The following PRTFDC1 variants were observed in gnomAD, a reference collection of about 807,000 sequenced individuals.
PRTFDC1 encodes phosphoribosyl transferase domain containing 1, also known as phosphoribosyltransferase domain-containing protein 1.
A neutral mutation model predicts 34.6 loss-of-function variants in PRTFDC1; 38 were observed. That is an observed-to-expected ratio of 1.10 (90% CI 0.85 to 1.44). PRTFDC1 has a LOEUF of 1.44. Among genes scored for constraint, PRTFDC1 ranks in the 40% most tolerant of loss-of-function variants. The pLI is 0.00. For missense variants in PRTFDC1, 270 were observed against 283.0 expected (o/e 0.95, Z 0.33); for synonymous variants, 93 against 98.1 (o/e 0.95, Z 0.31).
At chr10:24,950,990 C>T (rs928028079) in intron 1 of PRTFDC1, among the ~76,000 whole-genome samples, 5 of 152,302 alleles carry the variant, frequency 3.3e-5, no homozygotes, top group African/African-American at 1.2e-4. Context: ...TTAATGATTG[C>T]CCTTTTTGCG....
chr10:24,900,224 C>T (rs1298007160), intron 3 of PRTFDC1, among the ~76,000 whole-genome samples: 2 of 152,204 alleles, frequency 1.3e-5, no homozygotes, highest in Admixed American at 1.3e-4. Flanking sequence ...AGAATTTCCT[C>T]CCAAATGTAA....
intron 3 of PRTFDC1, among the ~76,000 whole-genome samples, chr10:24,874,530 T>G (rs1381159523): frequency 6.6e-6 from 1 of 152,204 alleles, no homozygotes; most frequent in Non-Finnish European, 1.5e-5. Context: ...CTACAAAGTT[T>G]AATGTAACCA....
chr10:24,929,052 A>AAGAAAG (rs1554765610), intron 3 of PRTFDC1, among the ~76,000 whole-genome samples: 7 of 116,538 alleles, frequency 6.0e-5, no homozygotes, highest in Non-Finnish European at 1.2e-4. Flanking sequence ...AAAAAAAAAA[A>AAGAAAG]AAAGAAAGAA....
chr10:24,892,587 C>T (rs143081536), intron 3 of PRTFDC1, among the ~76,000 whole-genome samples: 1 of 152,192 alleles, frequency 6.6e-6, no homozygotes, highest in Non-Finnish European at 1.5e-5. Flanking sequence ...TTTCCTGATT[C>T]TTACGGGAAA....
chr10:24,864,518 C>A (rs960454633), intron 4 of PRTFDC1, among the ~76,000 whole-genome samples: 7 of 152,150 alleles, frequency 4.6e-5, no homozygotes, highest in Non-Finnish European at 1.0e-4. Flanking sequence ...CAAGACCCTC[C>A]ACCAGCAAAA....
intron 4 of PRTFDC1, among the ~76,000 whole-genome samples, chr10:24,870,909 T>TAAAAATAC (rs1847857935): frequency 6.6e-6 from 1 of 151,724 alleles, no homozygotes; most frequent in Admixed American, 6.6e-5. Context: ...CCGTCTCTAC[T>TAAAAATAC]AAAAATACAA....
chr10:24,852,326 T>C (rs1341329954), intron 7 of PRTFDC1, among the ~76,000 whole-genome samples: 2 of 152,076 alleles, frequency 1.3e-5, no homozygotes, highest in Non-Finnish European at 2.9e-5. Flanking sequence ...CTAATTTTTG[T>C]AGTTTTAGTA....
intron 7 of PRTFDC1, among the ~76,000 whole-genome samples, chr10:24,852,530 A>G (rs1847508161): frequency 6.6e-6 from 1 of 152,222 alleles, no homozygotes; most frequent in Non-Finnish European, 1.5e-5. Context: ...CCACAGGCTC[A>G]GGAGATCCTC....
At chr10:24,939,161 C>G (rs1035880502) in intron 2 of PRTFDC1, among the ~76,000 whole-genome samples, 1 of 151,744 alleles carries the variant, frequency 6.6e-6, no homozygotes, top group South Asian at 2.1e-4. Context: ...ATTAGCCGGG[C>G]TTGGTGGTCT....
At chr10:24,871,517 A>G (rs1847866478) in intron 4 of PRTFDC1, among the ~76,000 whole-genome samples, 1 of 152,182 alleles carries the variant, frequency 6.6e-6, no homozygotes, top group African/African-American at 2.4e-5. Context: ...ATTGTTTTTA[A>G]TAGAAAAAAA....
chr10:24,948,099 C>A (rs779613164), intron 1 of PRTFDC1, among the ~76,000 whole-genome samples: 1 of 152,164 alleles, frequency 6.6e-6, no homozygotes, highest in African/African-American at 2.4e-5. Flanking sequence ...GATTACTTAT[C>A]TCTGATATTA....
At chr10:24,895,688 GATATATATAT>G (rs762084915) in intron 3 of PRTFDC1, among the ~76,000 whole-genome samples, 1,580 of 47,414 alleles carry the variant, frequency 0.033, 59 homozygotes, top group African/African-American at 0.1. Flanking sequence ...AGCTGGGGTG[GATATATATAT>G]ATATATATAT....
chr10:24,919,552 C>G (rs1848748284), intron 3 of PRTFDC1, among the ~76,000 whole-genome samples: 1 of 152,156 alleles, frequency 6.6e-6, no homozygotes, highest in African/African-American at 2.4e-5. Context: ...CTAGGCAATA[C>G]CAGTCAGGAC....
chr10:24,864,083 CTG>C (rs1331197271), intron 4 of PRTFDC1, among the ~76,000 whole-genome samples: 1 of 148,944 alleles, frequency 6.7e-6, no homozygotes, highest in Non-Finnish European at 1.5e-5. Context: ...GCAAGAGAAA[CTG>C]AATTAGAAGT....
intron 4 of PRTFDC1, among the ~76,000 whole-genome samples, chr10:24,865,498 C>G (rs1847758655): frequency 6.6e-6 from 1 of 152,120 alleles, no homozygotes; most frequent in Non-Finnish European, 1.5e-5. Flanking sequence ...AGCTCATTTC[C>G]TCCCAGAAAG....
intron 3 of PRTFDC1, among the ~76,000 whole-genome samples, chr10:24,902,272 C>T (rs1848462781): frequency 6.6e-6 from 1 of 151,978 alleles, no homozygotes. Context: ...AGGCATTAAT[C>T]TCTGCCTGGT....
At chr10:24,888,512 G>T (rs1848207905) in intron 3 of PRTFDC1, among the ~76,000 whole-genome samples, 1 of 152,212 alleles carries the variant, frequency 6.6e-6, no homozygotes, top group South Asian at 2.1e-4. Context: ...ACATGGGAGT[G>T]AATTAAGGAC....
intron 8 of PRTFDC1, among the ~76,000 whole-genome samples, chr10:24,850,546 C>A (rs1020625942): frequency 6.6e-6 from 1 of 152,064 alleles, no homozygotes; most frequent in Non-Finnish European, 1.5e-5. Context: ...GCGGGAGGAT[C>A]GCTTGAGCCT....
chr10:24,897,449 G>T (rs779234581), intron 3 of PRTFDC1, among the ~76,000 whole-genome samples: 1 of 152,174 alleles, frequency 6.6e-6, no homozygotes, highest in Non-Finnish European at 1.5e-5. Context: ...AATTAAGAAG[G>T]TTGTGGTATT....
Sources: allele counts gnomAD v4.1 joint callset (sites outside exome capture counted in the v4.1 genomes callset), GRCh38; gene constraint gnomAD v4.1.1; transcripts MANE v1.5; gene names NCBI Gene and HGNC (gene_info 2026-07-23, HGNC 2026-07-21).